CAMTA1: variants seen among roughly 807,000 people sequenced by gnomAD.
CAMTA1 encodes the protein calmodulin-binding transcription activator 1.
In CAMTA1, 27 loss-of-function variants were observed where a neutral mutation model predicts 170.9. That is an observed-to-expected ratio of 0.16 (90% CI 0.12 to 0.22). The LOEUF (loss-of-function observed/expected upper bound fraction) is 0.22, where lower values mean the gene tolerates loss of function less well. Ranked by LOEUF, CAMTA1 falls within the 10% of genes least tolerant of loss-of-function variation. CAMTA1 has a pLI of 1.00. For missense variants in CAMTA1, 1,619 were observed against 2,217.2 expected, an observed-to-expected ratio of 0.73 and a Z score of 5.42; for synonymous variants, 833 against 891.5, an observed-to-expected ratio of 0.93 and a Z score of 1.17.
At chr1:7,436,153 G>C (rs1191863614) in intron 5 of CAMTA1, among the ~76,000 whole-genome samples, 1 of 152,234 alleles carries the variant, frequency 6.6e-6, no homozygotes, top group African/African-American at 2.4e-5. Flanking sequence ...CCAGGCCCGG[G>C]GCTGCCAGGG....
At position 7,682,207 on chromosome 1, in the gene CAMTA1, C is replaced by T. The variant is rs74054222; in HGVS notation, c.2914+4474C>T. On this transcript the variant is annotated intron_variant, in intron 11 of 22. Coordinates refer to ENST00000303635, the MANE Select transcript of CAMTA1 (RefSeq NM_015215.4). This position sits in a 1 kb window ranked among gnomAD's most constrained non-coding sequence, Gnocchi z 5.0. ...CTGTCATCTCAGGCAGAGCGGGGAG[C>T]ATGGACTAAAAGCTCAAACTTCATT... 8.5e-3 allele frequency among the ~76,000 whole-genome samples: 1,300 copies of T among 152,322 alleles called. 14 individuals carry two copies. Among genetic ancestry groups the T allele is most frequent in the African/African-American group, 0.03 (1,240 of 41,578 alleles).
At chr1:7,245,371 C>T (rs17346019) in intron 4 of CAMTA1, among the ~76,000 whole-genome samples, 1,553 of 151,104 alleles carry the variant, frequency 0.01, 17 homozygotes, top group Non-Finnish European at 0.018. Context: ...GTGTAATCTA[C>T]GCAGTCTTAC....
chr1:6,919,783 G>C (rs1681593322), intron 3 of CAMTA1, among the ~76,000 whole-genome samples: 1 of 152,188 alleles, frequency 6.6e-6, no homozygotes, highest in Non-Finnish European at 1.5e-5. Flanking sequence ...CAGGCAAAGA[G>C]CTTGTGCAGG....
intron 6 of CAMTA1, among the ~76,000 whole-genome samples, chr1:7,617,162 G>C (rs577486882): frequency 6.6e-6 from 1 of 152,214 alleles, no homozygotes; most frequent in Non-Finnish European, 1.5e-5. Context: ...TTCACTTCCA[G>C]CCAAGCGGCT....
At chr1:7,277,319 A>G (rs1670858611) in intron 5 of CAMTA1, among the ~76,000 whole-genome samples, 1 of 152,240 alleles carries the variant, frequency 6.6e-6, no homozygotes, top group South Asian at 2.1e-4. Flanking sequence ...TCAATACTTA[A>G]TCTAAAGCTA....
At chr1:7,210,575 T>C (rs1658576752) in intron 4 of CAMTA1, among the ~76,000 whole-genome samples, 1 of 152,224 alleles carries the variant, frequency 6.6e-6, no homozygotes, top group Non-Finnish European at 1.5e-5. Context: ...ATAGTTTAGG[T>C]CTGTGTAAGT....
chr1:6,907,234 T>C (rs949405883), intron 3 of CAMTA1, among the ~76,000 whole-genome samples: 1 of 152,138 alleles, frequency 6.6e-6, no homozygotes, highest in Non-Finnish European at 1.5e-5. Flanking sequence ...TCATCAACAT[T>C]CAGTGTTTGC....
chr1:7,574,712 G>A (rs2095169568), intron 6 of CAMTA1, among the ~76,000 whole-genome samples: 1 of 152,228 alleles, frequency 6.6e-6, no homozygotes, highest in South Asian at 2.1e-4. Context: ...AGCCGTCTGT[G>A]CCTTCCTGGG....
intron 3 of CAMTA1, among the ~76,000 whole-genome samples, chr1:7,046,976 C>T (rs1163270489): frequency 6.6e-6 from 1 of 152,220 alleles, no homozygotes. Context: ...CATGGTGGAA[C>T]TCTTCCTCCC....
At chr1:7,419,452 C>T (rs1373371505) in intron 5 of CAMTA1, among the ~76,000 whole-genome samples, 1 of 152,160 alleles carries the variant, frequency 6.6e-6, no homozygotes, top group Non-Finnish European at 1.5e-5. Flanking sequence ...CCACCATGCC[C>T]AGCCCCAATC....
At chr1:7,696,152 T>C (rs1191385614) in intron 11 of CAMTA1, among the ~76,000 whole-genome samples, 6 of 151,188 alleles carry the variant, frequency 4.0e-5, no homozygotes, top group Non-Finnish European at 8.8e-5. Context: ...GAGAGCACAC[T>C]TGTTTCTCTT....
At chr1:7,147,821 GCACA>G (rs941947310) in intron 4 of CAMTA1, among the ~76,000 whole-genome samples, 6 of 112,962 alleles carry the variant, frequency 5.3e-5, no homozygotes, top group Admixed American at 2.9e-4. Context: ...CATACACCAT[GCACA>G]CACACAAACT....
At chr1:6,960,891 A>G (rs1690280926) in intron 3 of CAMTA1, among the ~76,000 whole-genome samples, 1 of 152,224 alleles carries the variant, frequency 6.6e-6, no homozygotes, top group African/African-American at 2.4e-5. Flanking sequence ...TTTAGCCTTT[A>G]TAACCCCATG....
chr1:7,536,123 C>T (rs544627928), intron 6 of CAMTA1, among the ~76,000 whole-genome samples: 5 of 151,944 alleles, frequency 3.3e-5, no homozygotes, highest in South Asian at 4.2e-4. Context: ...CCTGGCAGCC[C>T]CCAGAGGTGA....
intron 4 of CAMTA1, among the ~76,000 whole-genome samples, chr1:7,230,090 A>G (rs1273073875): frequency 6.6e-6 from 1 of 152,128 alleles, no homozygotes; most frequent in African/African-American, 2.4e-5. Flanking sequence ...AGGAGCACCC[A>G]GAAAGCCGGT....
At chr1:7,625,623 C>T (rs377093223) in intron 6 of CAMTA1, among the ~76,000 whole-genome samples, 6 of 152,390 alleles carry the variant, frequency 3.9e-5, no homozygotes, top group African/African-American at 9.6e-5. Context: ...TCGGGGTTCA[C>T]GAGCTTGCTC....
At chr1:7,265,344 C>G (rs921564739) in intron 5 of CAMTA1, among the ~76,000 whole-genome samples, 1 of 151,972 alleles carries the variant, frequency 6.6e-6, no homozygotes, top group African/African-American at 2.4e-5. Context: ...AGTCTCATCT[C>G]ACTCTGTCTC....
chr1:6,961,695 G>A (rs930308988), intron 3 of CAMTA1, among the ~76,000 whole-genome samples: 1 of 152,206 alleles, frequency 6.6e-6, no homozygotes, highest in Non-Finnish European at 1.5e-5. Flanking sequence ...TGAGGGGATT[G>A]ATTGAATTGA....
In CAMTA1 at chr1:6,926,423, CTCTTTCTTTCTTTTCTCTT is replaced by C. The variant is rs1368309723; in HGVS notation, c.234+101227_234+101245del. 7.2e-3 allele frequency among the ~76,000 whole-genome samples: 964 copies of C among 134,110 alleles called. 3 individuals carry two copies. Among genetic ancestry groups the C allele is most frequent in the Middle Eastern group, 0.026 (6 of 232 alleles). 88.0% of individuals were successfully genotyped at this position (134,110 alleles called of 152,430 possible). ...CCCTCCCTCCTCTCTCTTTTCTTTT[CTCTTTCTTTCTTTTCTCTT>C]TCTTTCTTTCTTTCTTTCTTTCTTT... is the stretch of plus-strand genomic sequence containing the variant. On this transcript the variant is annotated intron_variant, in intron 3 of 22. Coordinates refer to ENST00000303635, the MANE Select transcript of CAMTA1 (RefSeq NM_015215.4).
Sources: gnomAD v4.1 joint callset for allele counts (sites outside exome capture counted in the v4.1 genomes callset) on GRCh38, gnomAD v4.1.1 for gene constraint, Gnocchi (gnomAD v3.1) non-coding constraint, MANE v1.5 for transcripts, NCBI Gene and HGNC (gene_info 2026-07-23, HGNC 2026-07-21) for gene names.